The following GPATCH8 variants were observed in gnomAD, a reference collection of about 807,000 sequenced individuals.
GPATCH8 encodes G patch domain-containing protein 8.
Under a neutral mutation model 118.3 loss-of-function variants are expected in GPATCH8, and 18 were observed. The observed-to-expected ratio is 0.15, with a 90% CI of 0.11 to 0.23. GPATCH8 has a LOEUF of 0.23. GPATCH8 is among the 10% of genes least tolerant of loss of function. The pLI is 1.00. For missense variants in GPATCH8, 1,631 were observed against 1,873.8 expected, an observed-to-expected ratio of 0.87 and a Z score of 2.39; for synonymous variants, 659 against 684.7, an observed-to-expected ratio of 0.96 and a Z score of 0.59.
rs551513014 is a variant in GPATCH8 at position 44,498,434 on chromosome 17, G to A, written c.45+4892C>T. On this transcript the variant is annotated intron_variant, in intron 1 of 7. Transcript: ENST00000591680. ...AACTTAAGTCTCTCTCTGTGATGTT[G>A]AGATGTCCTTGATATGTCCCACATT... 1.6e-4 allele frequency among the ~76,000 whole-genome samples: 24 copies of A among 152,260 alleles called. No homozygotes were observed. The East Asian group carries it at 4.2e-3, about 27-fold the overall frequency.
Position 44,400,115 on chromosome 17 carries a change from C to CT in GPATCH8, c.1961dup (p.Thr655AspfsTer36). The CT allele has an allele frequency of 3.7e-6, 6 of 1,613,994 alleles. No individual in the cohort carries two copies. The highest frequency in any genetic ancestry group is 4.2e-6 in the Non-Finnish European group (5 of 1,180,030). On this transcript the variant is annotated frameshift_variant, in exon 8 of 8. Transcript: ENST00000591680. LOFTEE classifies it high-confidence loss of function. ...GAAGGCTTCTCCCTGTGTCTTCTGT[C>CT]TCAGACCCATGGCTACCCCCAGGCT...
At chr17:44,429,538 G>A (rs927984646) in intron 5 of GPATCH8, among the ~76,000 whole-genome samples, 2 of 151,968 alleles carry the variant, frequency 1.3e-5, no homozygotes, top group African/African-American at 2.4e-5. Context: ...TAGGCCACGT[G>A]GTGGCTCACG....
intron 1 of GPATCH8, among the ~76,000 whole-genome samples, chr17:44,492,577 A>C (rs371883993): frequency 2.0e-5 from 3 of 152,248 alleles, no homozygotes; most frequent in East Asian, 3.9e-4. Flanking sequence ...GCCTCAAAAA[A>C]ATAAAAAACT....
At chr17:44,404,705 A>C (rs1371002306) in intron 7 of GPATCH8, among the ~76,000 whole-genome samples, 1 of 152,182 alleles carries the variant, frequency 6.6e-6, no homozygotes, top group African/African-American at 2.4e-5. Context: ...CTTAATCAGT[A>C]TATTATACTA....
At chr17:44,420,387 C>T (rs765660449) in intron 6 of GPATCH8, among the ~76,000 whole-genome samples, 1 of 152,114 alleles carries the variant, frequency 6.6e-6, no homozygotes, top group Non-Finnish European at 1.5e-5. Context: ...TTAATTAATT[C>T]TGATAGAATA....
In GPATCH8 at chr17:44,496,344, T is replaced by G. The variant is rs561807619; in HGVS notation, c.45+6982A>C. On this transcript the variant is annotated intron_variant, in intron 1 of 7. Transcript: ENST00000591680. ...CTGACTTTTCCAACAATGTCATTAT[T>G]AAAATGTCAGAAAACTCTATGACTT... 2.0e-5 allele frequency among the ~76,000 whole-genome samples: 3 copies of G among 152,364 alleles called. No homozygotes were observed. The South Asian group carries it at 6.2e-4, about 32-fold the overall frequency.
At chr17:44,496,070 T>C (rs1340529077) in intron 1 of GPATCH8, among the ~76,000 whole-genome samples, 1 of 152,182 alleles carries the variant, frequency 6.6e-6, no homozygotes, top group Non-Finnish European at 1.5e-5. Context: ...GTTTTCACCA[T>C]GTTGGCCAGG....
chr17:44,449,611 G>A (rs2051038466), intron 3 of GPATCH8, among the ~76,000 whole-genome samples: 1 of 151,756 alleles, frequency 6.6e-6, no homozygotes, highest in African/African-American at 2.4e-5. Context: ...CCGCCTCCCA[G>A]GTTCAAGCAA....
chr17:44,492,151 A>C (rs1232925725), intron 1 of GPATCH8, among the ~76,000 whole-genome samples: 1 of 151,726 alleles, frequency 6.6e-6, no homozygotes, highest in Non-Finnish European at 1.5e-5. Flanking sequence ...AATACAAAAA[A>C]TTAGCCAGGC....
At chr17:44,423,829 A>G (rs574053339) in intron 6 of GPATCH8, among the ~76,000 whole-genome samples, 73 of 152,336 alleles carry the variant, frequency 4.8e-4, no homozygotes, top group Admixed American at 4.4e-3. Context: ...ATGCAGCAAC[A>G]GAGTTTTTTG....
chr17:44,448,502 AAGGG>A (rs2050973588), intron 3 of GPATCH8, among the ~76,000 whole-genome samples: 1 of 104,034 alleles, frequency 9.6e-6, no homozygotes, highest in African/African-American at 4.1e-5. Context: ...AAAAAAAAAA[AAGGG>A]GGGGGGGGGA....
chr17:44,465,606 T>G (rs2051730481), intron 2 of GPATCH8: 1 of 152,184 alleles, frequency 6.6e-6, no homozygotes, highest in Admixed American at 6.5e-5. Context: ...AAACACAAAG[T>G]ATTCTATATG....
intron 5 of GPATCH8, among the ~76,000 whole-genome samples, chr17:44,429,771 C>T (rs982015536): frequency 1.3e-5 from 2 of 151,488 alleles, no homozygotes; most frequent in African/African-American, 4.9e-5. Flanking sequence ...GGCTGAGGCA[C>T]AAGAATTGCT....
intron 5 of GPATCH8, among the ~76,000 whole-genome samples, chr17:44,431,439 A>T (rs2050311865): frequency 6.6e-6 from 1 of 151,504 alleles, no homozygotes; most frequent in South Asian, 2.1e-4. Flanking sequence ...TTTATCTCTA[A>T]AGGAGACAGA....
At chr17:44,458,504 A>G (rs2051423987) in intron 3 of GPATCH8, among the ~76,000 whole-genome samples, 1 of 152,078 alleles carries the variant, frequency 6.6e-6, no homozygotes, top group African/African-American at 2.4e-5. Context: ...GACTTTGTTT[A>G]TGATGAAATA....
At chr17:44,482,633 C>CCACCATGG (rs1166413832) in intron 1 of GPATCH8, among the ~76,000 whole-genome samples, 1 of 149,750 alleles carries the variant, frequency 6.7e-6, no homozygotes, top group African/African-American at 2.5e-5. Flanking sequence ...GTGCAGCAAA[C>CCACCATGG]CACCATGGTA....
chr17:44,493,404 A>G (rs1022786031), intron 1 of GPATCH8, among the ~76,000 whole-genome samples: 1 of 152,202 alleles, frequency 6.6e-6, no homozygotes, highest in South Asian at 2.1e-4. Context: ...CAAAAATTAT[A>G]ATCTTTAATA....
At chr17:44,423,694 G>A (rs1047054838) in intron 6 of GPATCH8, among the ~76,000 whole-genome samples, 1 of 151,988 alleles carries the variant, frequency 6.6e-6, no homozygotes, top group Non-Finnish European at 1.5e-5. Context: ...TCTCCCAGGG[G>A]GATTATTGCC....
intron 3 of GPATCH8, among the ~76,000 whole-genome samples, chr17:44,446,527 C>T (rs2050888768): frequency 6.6e-6 from 1 of 152,140 alleles, no homozygotes; most frequent in Non-Finnish European, 1.5e-5. Context: ...GTTCACACCA[C>T]TGCACTCCAG....
Sources: allele counts gnomAD v4.1 joint callset (sites outside exome capture counted in the v4.1 genomes callset), GRCh38; gene constraint gnomAD v4.1.1; transcripts MANE v1.5; gene names NCBI Gene and HGNC (gene_info 2026-07-23, HGNC 2026-07-21).